Variants in CNTN6 observed in about 807,000 individuals in gnomAD.
CNTN6 encodes the protein contactin-6.
Under a neutral mutation model 122.8 loss-of-function variants are expected in CNTN6, and 137 were observed. The ratio of observed to expected loss-of-function variants is 1.12; its 90% confidence interval spans 0.97 to 1.29. The LOEUF (loss-of-function observed/expected upper bound fraction) is 1.29. CNTN6 is among the 50% of genes most tolerant of loss of function. The probability of loss-of-function intolerance (pLI) is 0.00; values close to 1 mark genes in which losing one functional copy is unlikely to be tolerated. For synonymous variants in CNTN6, 570 were observed against 426.0 expected (o/e 1.34, Z -4.16); for missense variants, 1,634 against 1,223.4 (o/e 1.34, Z -5.01).
intron 16 of CNTN6, among the ~76,000 whole-genome samples, chr3:1,376,205 C>T (rs1396127239): frequency 6.6e-6 from 1 of 152,040 alleles, no homozygotes; most frequent in Non-Finnish European, 1.5e-5. Context: ...AAAGTAAAAC[C>T]TCATTCTCGT....
At chr3:1,118,051 C>G (rs965090997) in intron 1 of CNTN6, among the ~76,000 whole-genome samples, 1 of 152,146 alleles carries the variant, frequency 6.6e-6, no homozygotes, top group Non-Finnish European at 1.5e-5. Context: ...GAAAGGCAAT[C>G]TAAACAAATA....
chr3:1,118,378 A>G (rs1460742655), intron 1 of CNTN6, among the ~76,000 whole-genome samples: 2 of 152,214 alleles, frequency 1.3e-5, no homozygotes, highest in Non-Finnish European at 2.9e-5. Context: ...AAGAAGCATA[A>G]TAGAACAATT....
At chr3:1,232,904 G>T (rs1053717148) in intron 4 of CNTN6, among the ~76,000 whole-genome samples, 4 of 152,168 alleles carry the variant, frequency 2.6e-5, no homozygotes, top group African/African-American at 9.7e-5. Context: ...GAAAGTACAG[G>T]TCGGAAGAAC....
intron 1 of CNTN6, among the ~76,000 whole-genome samples, chr3:1,135,630 A>G (rs552526735): frequency 6.6e-6 from 1 of 152,322 alleles, no homozygotes; most frequent in African/African-American, 2.4e-5. Context: ...TACACTACAT[A>G]TATATATTAG....
intron 2 of CNTN6, among the ~76,000 whole-genome samples, chr3:1,170,989 G>A (rs979013437): frequency 1.3e-5 from 2 of 152,188 alleles, no homozygotes; most frequent in Non-Finnish European, 2.9e-5. Context: ...ACAGTAACTA[G>A]TGGTGACTGG....
At chr3:1,193,653 G>A (rs2093734005) in intron 2 of CNTN6, among the ~76,000 whole-genome samples, 1 of 151,750 alleles carries the variant, frequency 6.6e-6, no homozygotes, top group Non-Finnish European at 1.5e-5. Context: ...TGAACTCTAT[G>A]GTTTAATTTA....
chr3:1,172,758 G>C (rs1444915864), intron 2 of CNTN6, among the ~76,000 whole-genome samples: 1 of 152,116 alleles, frequency 6.6e-6, no homozygotes, highest in Non-Finnish European at 1.5e-5. Context: ...AGGGCAGTCA[G>C]ATTTCTGATA....
chr3:1,380,655 C>T (rs1380454818), intron 17 of CNTN6, among the ~76,000 whole-genome samples: 1 of 152,110 alleles, frequency 6.6e-6, no homozygotes, highest in Non-Finnish European at 1.5e-5. Context: ...CACATGACCT[C>T]TTTTCTAATG....
chr3:1,239,501 A>G (rs1191545917), intron 4 of CNTN6, among the ~76,000 whole-genome samples: 1 of 152,162 alleles, frequency 6.6e-6, no homozygotes, highest in Non-Finnish European at 1.5e-5. Flanking sequence ...AAACTATGAA[A>G]CACTGCTGAA....
intron 4 of CNTN6, among the ~76,000 whole-genome samples, chr3:1,245,319 TA>T (rs1156234510): frequency 3.6e-5 from 1 of 27,692 alleles, no homozygotes; most frequent in Non-Finnish European, 6.8e-5. Flanking sequence ...TATATATATA[TA>T]TATATATATA....
chr3:1,388,821 AGATGAAATG>A (rs1693616234), intron 20 of CNTN6, among the ~76,000 whole-genome samples: 1 of 148,982 alleles, frequency 6.7e-6, no homozygotes, highest in African/African-American at 2.5e-5. Context: ...CAGCAATGGA[AGATGAAATG>A]AATGAAATGA....
Position 1,098,335 on chromosome 3 carries a change from A to C in CNTN6, c.-83+5215A>C, listed in dbSNP as rs2090650751. Among the ~76,000 whole-genome samples, 5 of 152,292 alleles carry C rather than the reference A, an allele frequency of 3.3e-5. No individual in the cohort carries two copies. The South Asian group carries it at 1.0e-3, about 32-fold the overall frequency. On this transcript the variant is annotated intron_variant, in intron 1 of 22. Transcript: ENST00000446702. ...AGAAAAGCACGAGAACAAATAAGCCAGAATTTCTTTCTTCAAAGAAAAACA... is the reference window on the plus strand; with the variant it reads ...AGAAAAGCACGAGAACAAATAAGCCCGAATTTCTTTCTTCAAAGAAAAACA...
intron 5 of CNTN6, among the ~76,000 whole-genome samples, chr3:1,287,553 C>T (rs1694560076): frequency 6.6e-6 from 1 of 152,200 alleles, no homozygotes; most frequent in Non-Finnish European, 1.5e-5. Context: ...CCTAGCAATT[C>T]ACTCAGAAGC....
intron 2 of CNTN6, among the ~76,000 whole-genome samples, chr3:1,183,512 A>G (rs1489102716): frequency 1.3e-5 from 2 of 152,076 alleles, no homozygotes; most frequent in Admixed American, 1.3e-4. Flanking sequence ...AATTGATTGC[A>G]CAATACACAA....
At chr3:1,363,167 G>C (rs1707727414) in intron 12 of CNTN6, among the ~76,000 whole-genome samples, 1 of 151,888 alleles carries the variant, frequency 6.6e-6, no homozygotes, top group Non-Finnish European at 1.5e-5. Flanking sequence ...GTGCAATAAA[G>C]TGGTTACTAT....
chr3:1,253,232 C>T (rs946958068), intron 4 of CNTN6, among the ~76,000 whole-genome samples: 1 of 152,148 alleles, frequency 6.6e-6, no homozygotes, highest in East Asian at 1.9e-4. Flanking sequence ...CATTGTGACA[C>T]CATGTCCTTT....
rs758736532 is a variant in CNTN6, at chr3:1,201,097, TTTTGTGTGTG to T, written c.56-19588_56-19579del. On this transcript the variant is annotated intron_variant, in intron 2 of 22. Coordinates refer to ENST00000446702, the MANE Select transcript of CNTN6 (RefSeq NM_001289080.2). The stretch of plus-strand genomic sequence containing the variant: ...CAGGCACCACTGTGCCCAGCTAACA[TTTTGTGTGTG>T]TGTGTGTGTGTGTGTGTGTGTGTGT... 4.7e-3 allele frequency among the ~76,000 whole-genome samples: 525 copies of T among 112,784 alleles called. 1 individual carries two copies. The highest frequency in any genetic ancestry group is 0.014 in the African/African-American group (383 of 28,034). 74.0% of individuals were successfully genotyped at this position (112,784 alleles called of 152,430 possible).
chr3:1,245,298 A>ATATATATAT (rs1559597347), intron 4 of CNTN6, among the ~76,000 whole-genome samples: 7 of 10,962 alleles, frequency 6.4e-4, no homozygotes, highest in Non-Finnish European at 9.3e-4. Flanking sequence ...TATATAACAT[A>ATATATATAT]TATATATATA....
At chr3:1,345,045 C>T (rs374892789) in intron 11 of CNTN6, among the ~76,000 whole-genome samples, 1 of 151,648 alleles carries the variant, frequency 6.6e-6, no homozygotes, top group East Asian at 1.9e-4. Flanking sequence ...CATCAATCCA[C>T]TGATTAAATC....
Sources: allele counts gnomAD v4.1 joint callset (sites outside exome capture counted in the v4.1 genomes callset), GRCh38; gene constraint gnomAD v4.1.1; transcripts MANE v1.5; gene names NCBI Gene and HGNC (gene_info 2026-07-23, HGNC 2026-07-21).